The following SPMIP2 variants were observed in gnomAD, a reference collection of about 807,000 sequenced individuals.
The protein encoded by SPMIP2 is protein SPMIP2.
the SPMIP2 span, among the ~76,000 whole-genome samples, chr4:158,940,264 G>T: frequency 6.6e-6 from 1 of 152,044 alleles, no homozygotes; most frequent in African/African-American, 2.4e-5. Flanking sequence ...AGGGATTAGG[G>T]CCCACCACAA....
At chr4:159,032,670 A>C in the SPMIP2 span, among the ~76,000 whole-genome samples, 1 of 152,216 alleles carries the variant, frequency 6.6e-6, no homozygotes, top group African/African-American at 2.4e-5. Flanking sequence ...ATGAAAATTA[A>C]AACTTTAAAA....
chr4:159,026,041 C>G, the SPMIP2 span: 1 of 169,918 alleles, frequency 5.9e-6, no homozygotes, highest in African/African-American at 2.4e-5. Context: ...GCATTTCATC[C>G]TGATTTAAAG....
chr4:158,912,988 G>T, the SPMIP2 span, among the ~76,000 whole-genome samples: 5 of 152,230 alleles, frequency 3.3e-5, no homozygotes, highest in Admixed American at 1.3e-4. Context: ...ACAAAAACAC[G>T]TAACCTGAAC....
At chr4:159,052,354 A>G in the SPMIP2 span, among the ~76,000 whole-genome samples, 1 of 151,818 alleles carries the variant, frequency 6.6e-6, no homozygotes, top group East Asian at 1.9e-4. Flanking sequence ...ATGCTCCATG[A>G]GTTAAGTAGA....
chr4:159,081,399 T>G, the SPMIP2 span, among the ~76,000 whole-genome samples: 2 of 152,070 alleles, frequency 1.3e-5, no homozygotes, highest in Non-Finnish European at 2.9e-5. Context: ...ATTTTGAGAA[T>G]GTAATTTTAG....
chr4:158,936,968 A>G, the SPMIP2 span, among the ~76,000 whole-genome samples: 1 of 152,222 alleles, frequency 6.6e-6, no homozygotes, highest in South Asian at 2.1e-4. Flanking sequence ...GAGAGGTACT[A>G]TAAGGCATGA....
chr4:158,954,886 C>T, the SPMIP2 span, among the ~76,000 whole-genome samples: 1 of 152,178 alleles, frequency 6.6e-6, no homozygotes, highest in African/African-American at 2.4e-5. Flanking sequence ...TCGTTGTTTG[C>T]TAATACATTC....
At chr4:159,037,151 G>A in the SPMIP2 span, among the ~76,000 whole-genome samples, 1 of 152,178 alleles carries the variant, frequency 6.6e-6, no homozygotes, top group African/African-American at 2.4e-5. Flanking sequence ...CTTCTGCTTT[G>A]CCTTTGAGAC....
the SPMIP2 span, among the ~76,000 whole-genome samples, chr4:159,062,697 G>GTCTCTCTCTTTCTCTCTC: frequency 8.4e-5 from 8 of 95,110 alleles, no homozygotes; most frequent in African/African-American, 2.9e-4. Flanking sequence ...TTGAAACAGG[G>GTCTCTCTCTTTCTCTCTC]TCTCTCTCTC....
chr4:158,982,020 G>A, the SPMIP2 span, among the ~76,000 whole-genome samples: 1 of 152,138 alleles, frequency 6.6e-6, no homozygotes, highest in Admixed American at 6.5e-5. Flanking sequence ...CAAAATAAAG[G>A]GATGGAGGAA....
the SPMIP2 span, among the ~76,000 whole-genome samples, chr4:159,055,455 C>A: frequency 6.6e-6 from 1 of 152,184 alleles, no homozygotes; most frequent in Non-Finnish European, 1.5e-5. Context: ...GTATTCCCAG[C>A]ACTTTGGGAG....
At chr4:158,988,590 A>T in the SPMIP2 span, among the ~76,000 whole-genome samples, 1 of 152,230 alleles carries the variant, frequency 6.6e-6, no homozygotes, top group Non-Finnish European at 1.5e-5. Flanking sequence ...CAACCTACAC[A>T]AATCAATAAA....
At chr4:159,049,996 C>G in the SPMIP2 span, among the ~76,000 whole-genome samples, 35 of 152,168 alleles carry the variant, frequency 2.3e-4, no homozygotes, top group Admixed American at 2.3e-3. Flanking sequence ...GATAACATGT[C>G]AAGTAACTTA....
chr4:158,944,407 T>C, the SPMIP2 span, among the ~76,000 whole-genome samples: 14 of 152,336 alleles, frequency 9.2e-5, no homozygotes, highest in Admixed American at 3.9e-4. Context: ...CAGGGTCTCC[T>C]CTGCTTCTGC....
At chr4:159,013,766 G>C in the SPMIP2 span, among the ~76,000 whole-genome samples, 1 of 152,242 alleles carries the variant, frequency 6.6e-6, no homozygotes. Flanking sequence ...ATATTATTTA[G>C]TCTTAAAAGG....
the SPMIP2 span, chr4:159,007,586 G>A: frequency 3.6e-6 from 4 of 1,108,584 alleles, no homozygotes; most frequent in South Asian, 4.9e-5. Context: ...AAAGCAAAGT[G>A]GAAGCTTTCC....
the SPMIP2 span, among the ~76,000 whole-genome samples, chr4:158,997,283 T>C: frequency 6.7e-6 from 1 of 148,754 alleles, no homozygotes; most frequent in African/African-American, 2.5e-5. Context: ...CAGGCTGGAG[T>C]ACAATGGCAC....
the SPMIP2 span, among the ~76,000 whole-genome samples, chr4:158,945,327 C>T: frequency 2.6e-5 from 4 of 151,202 alleles, no homozygotes; most frequent in African/African-American, 9.7e-5. Flanking sequence ...CTGCTCTGGC[C>T]GTGGGTTTCA....
At chr4:158,988,856 A>T in the SPMIP2 span, among the ~76,000 whole-genome samples, 1 of 152,190 alleles carries the variant, frequency 6.6e-6, no homozygotes, top group Non-Finnish European at 1.5e-5. Context: ...CACCACTCCT[A>T]TTCAATGTAG....
Sources: gnomAD v4.1 joint callset for allele counts (sites outside exome capture counted in the v4.1 genomes callset) on GRCh38, gnomAD v4.1.1 for gene constraint, MANE v1.5 for transcripts, NCBI Gene and HGNC (gene_info 2026-07-23, HGNC 2026-07-21) for gene names.